Variants in TAFA1 observed in about 807,000 individuals in gnomAD.
TAFA1 encodes TAFA chemokine like family member 1.
In TAFA1, 4 loss-of-function variants were observed where a neutral mutation model predicts 18.5. The observed-to-expected ratio is 0.22, with a 90% CI of 0.11 to 0.49. The LOEUF (loss-of-function observed/expected upper bound fraction) is 0.49. Ranked by LOEUF, TAFA1 falls within the 20% of genes least tolerant of loss-of-function variation. The pLI, the probability that TAFA1 is intolerant of heterozygous loss-of-function variation, is 0.98. For synonymous variants in TAFA1, 56 were observed against 55.2 expected, an observed-to-expected ratio of 1.01 and a Z score of -0.06; for missense variants, 147 against 169.0, an observed-to-expected ratio of 0.87 and a Z score of 0.72.
intron 2 of TAFA1, among the ~76,000 whole-genome samples, chr3:68,101,246 G>T (rs1313211534): frequency 6.6e-6 from 1 of 151,336 alleles, no homozygotes; most frequent in Non-Finnish European, 1.5e-5. Flanking sequence ...GATTTCAAAG[G>T]CTTGAAGGTG....
rs561235809 is a variant in TAFA1 at position 68,141,890 on chromosome 3, T to C, written c.118+135146T>C. Among the ~76,000 whole-genome samples the C allele has an allele frequency of 3.3e-5, 5 of 152,332 alleles. No individual in the cohort carries two copies. In the South Asian group the frequency reaches 8.3e-4, roughly 25 times the overall value. Reference sequence around the variant, plus strand: ...TTAAGGCAGCTTTGGTTAACTTCAGTCATCTGCCACTGAAAAGAACCAGTT... The same window carrying C: ...TTAAGGCAGCTTTGGTTAACTTCAGCCATCTGCCACTGAAAAGAACCAGTT... On this transcript the variant is annotated intron_variant, in intron 2 of 4. Coordinates refer to ENST00000478136, the MANE Select transcript of TAFA1 (RefSeq NM_213609.4).
At chr3:68,304,994 T>C (rs1197788022) in intron 2 of TAFA1, among the ~76,000 whole-genome samples, 4 of 152,104 alleles carry the variant, frequency 2.6e-5, no homozygotes, top group Admixed American at 1.3e-4. Context: ...AATAATGTAT[T>C]AGTTCCCTAG....
intron 2 of TAFA1, among the ~76,000 whole-genome samples, chr3:68,147,905 A>G (rs1406231042): frequency 1.3e-5 from 2 of 152,244 alleles, no homozygotes; most frequent in African/African-American, 4.8e-5. Flanking sequence ...TGTGCCAAAC[A>G]CATATAAAAT....
intron 2 of TAFA1, among the ~76,000 whole-genome samples, chr3:68,377,500 T>G (rs1391390279): frequency 6.6e-6 from 1 of 152,140 alleles, no homozygotes; most frequent in East Asian, 1.9e-4. Context: ...AATTGGAATT[T>G]ATGTTTAAAA....
chr3:68,090,731 G>A (rs1559516739), intron 2 of TAFA1, among the ~76,000 whole-genome samples: 2 of 152,136 alleles, frequency 1.3e-5, no homozygotes, highest in African/African-American at 4.8e-5. Context: ...CAAAGAGGCT[G>A]GATGCCTTTT....
intron 3 of TAFA1, among the ~76,000 whole-genome samples, chr3:68,428,032 A>G (rs1198371377): frequency 6.6e-6 from 1 of 151,924 alleles, no homozygotes; most frequent in African/African-American, 2.4e-5. Flanking sequence ...GTATTTCTTT[A>G]TAGGACTATG....
chr3:68,417,468 T>C, intron 3 of TAFA1, 48 bp downstream of exon 3: 1 of 1,565,100 alleles, frequency 6.4e-7, no homozygotes, highest in Non-Finnish European at 8.7e-7. Context: ...GCATTCACTA[T>C]ACATAATATA....
At chr3:68,156,543 A>G (rs2065868782) in intron 2 of TAFA1, among the ~76,000 whole-genome samples, 1 of 152,176 alleles carries the variant, frequency 6.6e-6, no homozygotes, top group Non-Finnish European at 1.5e-5. Context: ...GTGCCCACTA[A>G]ATGAGTAAAT....
intron 2 of TAFA1, among the ~76,000 whole-genome samples, chr3:68,015,739 T>C (rs1704557747): frequency 6.6e-6 from 1 of 152,184 alleles, no homozygotes; most frequent in Non-Finnish European, 1.5e-5. Flanking sequence ...CACTAGTGAG[T>C]TATAAATTTA....
intron 3 of TAFA1, among the ~76,000 whole-genome samples, chr3:68,534,629 T>G (rs1474614163): frequency 1.3e-5 from 2 of 152,292 alleles, no homozygotes; most frequent in East Asian, 3.9e-4. Context: ...TTATAACAGT[T>G]CTGAGGACGT....
At chr3:68,227,522 A>G (rs1270528623) in intron 2 of TAFA1, among the ~76,000 whole-genome samples, 2 of 152,238 alleles carry the variant, frequency 1.3e-5, no homozygotes, top group Non-Finnish European at 2.9e-5. Context: ...GAAAATGAGT[A>G]CTTCAAACTC....
At chr3:68,146,881 C>A (rs2396325) in intron 2 of TAFA1, among the ~76,000 whole-genome samples, 83,775 of 152,138 alleles carry the variant, frequency 0.55, 24,807 homozygotes, top group South Asian at 0.74. Flanking sequence ...GTAAGCCTAC[C>A]TTTATACAAT....
At chr3:68,410,628 T>G (rs2070696198) in intron 2 of TAFA1, among the ~76,000 whole-genome samples, 1 of 144,664 alleles carries the variant, frequency 6.9e-6, no homozygotes, top group Non-Finnish European at 1.5e-5. Context: ...CATTAGATAA[T>G]AGGTTACTTC....
chr3:68,533,832 C>G (rs1307667529), intron 3 of TAFA1, among the ~76,000 whole-genome samples: 1 of 152,034 alleles, frequency 6.6e-6, no homozygotes, highest in African/African-American at 2.4e-5. Flanking sequence ...TGACTCAGTT[C>G]GCAAGCTTTA....
At chr3:68,228,243 TG>T (rs1274018684) in intron 2 of TAFA1, among the ~76,000 whole-genome samples, 2 of 152,222 alleles carry the variant, frequency 1.3e-5, no homozygotes, top group African/African-American at 2.4e-5. Flanking sequence ...TTTATATTTT[TG>T]TTTATTAATT....
intron 2 of TAFA1, among the ~76,000 whole-genome samples, chr3:68,236,793 C>G (rs1236588334): frequency 8.5e-5 from 13 of 152,174 alleles, no homozygotes; most frequent in Admixed American, 8.5e-4. Flanking sequence ...ACTGAAACTG[C>G]TTCCTCCAAT....
At chr3:68,326,999 C>T (rs1375380069) in intron 2 of TAFA1, among the ~76,000 whole-genome samples, 4 of 152,104 alleles carry the variant, frequency 2.6e-5, no homozygotes, top group Non-Finnish European at 4.4e-5. Flanking sequence ...ATGGGAGGGA[C>T]CCAGTGGGAA....
At chr3:68,060,785 T>C (rs2064592801) in intron 2 of TAFA1, among the ~76,000 whole-genome samples, 1 of 152,172 alleles carries the variant, frequency 6.6e-6, no homozygotes, top group East Asian at 1.9e-4. Context: ...GGCTGTATAA[T>C]TTTATTGAGC....
At chr3:68,414,290 G>T (rs1217022197) in intron 2 of TAFA1, among the ~76,000 whole-genome samples, 1 of 152,066 alleles carries the variant, frequency 6.6e-6, no homozygotes, top group African/African-American at 2.4e-5. Context: ...CTAGGCAACA[G>T]GAGCGAAACG....
Sources: gnomAD v4.1 joint callset for allele counts (sites outside exome capture counted in the v4.1 genomes callset) on GRCh38, gnomAD v4.1.1 for gene constraint, MANE v1.5 for transcripts, NCBI Gene and HGNC (gene_info 2026-07-23, HGNC 2026-07-21) for gene names.